The following LRP1B variants were observed in gnomAD, a reference collection of about 807,000 sequenced individuals.
LRP1B encodes LDL receptor related protein 1B, also known as low-density lipoprotein receptor-related protein 1B.
A neutral mutation model predicts 556.6 loss-of-function variants in LRP1B; 217 were observed. The observed-to-expected ratio is 0.39, with a 90% confidence interval of 0.35 to 0.44. The LOEUF is 0.44. Among genes scored for constraint, LRP1B ranks in the 20% least tolerant of loss-of-function variants. The pLI, the probability that LRP1B is intolerant of heterozygous loss-of-function variation, is 1.00. For synonymous variants in LRP1B, 2,047 were observed against 1,865.8 expected (o/e 1.10, Z -2.50); for missense variants, 5,053 against 5,620.8 (o/e 0.90, Z 3.23).
At chr2:140,829,694 C>G (rs1024150369) in intron 31 of LRP1B, among the ~76,000 whole-genome samples, 2 of 151,716 alleles carry the variant, frequency 1.3e-5, no homozygotes, top group Non-Finnish European at 2.9e-5. Flanking sequence ...AATGAACATC[C>G]CAATGAGGCA....
intron 2 of LRP1B, among the ~76,000 whole-genome samples, chr2:141,648,081 CAT>C (rs1689646158): frequency 6.6e-6 from 1 of 151,772 alleles, no homozygotes; most frequent in Non-Finnish European, 1.5e-5. Flanking sequence ...TGAGACGAAT[CAT>C]GTGATTCAGG....
chr2:141,703,051 A>G (rs999633667), intron 2 of LRP1B, among the ~76,000 whole-genome samples: 2 of 151,956 alleles, frequency 1.3e-5, no homozygotes. Flanking sequence ...ATAATAGGAT[A>G]AACAGAACAT....
chr2:141,277,197 T>C (rs1300787342), intron 3 of LRP1B, among the ~76,000 whole-genome samples: 1 of 152,196 alleles, frequency 6.6e-6, no homozygotes, highest in African/African-American at 2.4e-5. Flanking sequence ...TGTTTCAAGC[T>C]ATTTGAGAAA....
intron 7 of LRP1B, among the ~76,000 whole-genome samples, chr2:141,156,355 G>C (rs950668222): frequency 2.6e-5 from 4 of 152,202 alleles, no homozygotes; most frequent in African/African-American, 7.2e-5. Flanking sequence ...CTGGCCAGGC[G>C]CATTAGCTCT....
At chr2:141,885,636 T>C (rs1280332521) in intron 1 of LRP1B, among the ~76,000 whole-genome samples, 1 of 152,186 alleles carries the variant, frequency 6.6e-6, no homozygotes, top group Admixed American at 6.5e-5. Context: ...CAAGCATGAT[T>C]ACAGTCAAGT....
chr2:140,313,647 T>G (rs184086214), intron 83 of LRP1B, among the ~76,000 whole-genome samples: 127 of 152,040 alleles, frequency 8.4e-4, no homozygotes, highest in Middle Eastern at 3.4e-3. Flanking sequence ...AAACAATTAA[T>G]TTTTTATGAG....
chr2:141,489,907 T>C (rs529969684), intron 2 of LRP1B, among the ~76,000 whole-genome samples: 1 of 152,284 alleles, frequency 6.6e-6, no homozygotes, highest in East Asian at 1.9e-4. Context: ...ATACTAATAG[T>C]AACTCACTCA....
In LRP1B at chr2:141,864,296, A is replaced by T. The variant is rs1395457445; in HGVS notation, c.83-53895T>A. Reference sequence around the variant, plus strand: ...AATAAATACAAAAGTTCATGCAACAATGGAAACTACTTTTAATTTCCTTGG... The same window carrying T: ...AATAAATACAAAAGTTCATGCAACATTGGAAACTACTTTTAATTTCCTTGG... On this transcript the variant is annotated intron_variant, in intron 1 of 90. Coordinates refer to ENST00000389484, the MANE Select transcript of LRP1B (RefSeq NM_018557.3). 3.9e-5 allele frequency among the ~76,000 whole-genome samples: 6 copies of T among 152,352 alleles called. No individual in the cohort carries two copies. The East Asian group carries it at 1.2e-3, about 29-fold the overall frequency.
At chr2:141,164,640 T>C (rs866163510) in intron 7 of LRP1B, among the ~76,000 whole-genome samples, 2 of 152,234 alleles carry the variant, frequency 1.3e-5, no homozygotes, top group African/African-American at 2.4e-5. Context: ...TTTTTCTCTG[T>C]AGTCTTTATG....
intron 3 of LRP1B, among the ~76,000 whole-genome samples, chr2:141,403,822 C>T (rs545952487): frequency 6.6e-6 from 1 of 152,184 alleles, no homozygotes; most frequent in African/African-American, 2.4e-5. Context: ...TGTATTATCT[C>T]ACATGTATGT....
At chr2:141,131,816 T>C (rs1167256432) in intron 7 of LRP1B, among the ~76,000 whole-genome samples, 1 of 151,944 alleles carries the variant, frequency 6.6e-6, no homozygotes, top group Non-Finnish European at 1.5e-5. Flanking sequence ...AATTCTCTCA[T>C]ACTGTTGTCC....
chr2:141,430,390 AAAAAT>A, intron 3 of LRP1B, among the ~76,000 whole-genome samples: 1 of 152,322 alleles, frequency 6.6e-6, no homozygotes, highest in South Asian at 2.1e-4. Context: ...AAGCAACAAT[AAAAAT>A]AAAATGTAAT....
chr2:142,111,664 G>A (rs1706992799), intron 1 of LRP1B, among the ~76,000 whole-genome samples: 1 of 152,008 alleles, frequency 6.6e-6, no homozygotes, highest in Non-Finnish European at 1.5e-5. Flanking sequence ...CAAACAAACA[G>A]GTAAATTCCA....
chr2:140,704,064 G>A lies in LRP1B; in HGVS notation c.6024-1511C>T, dbSNP rs1308091141. Among the ~76,000 whole-genome samples the A allele has an allele frequency of 8.5e-5, 13 of 152,124 alleles. No individual in the cohort carries two copies. In the South Asian group the frequency reaches 2.7e-3, roughly 31 times the overall value. The stretch of plus-strand genomic sequence containing the variant: ...ATGGTAGCTCTGTTTTAAGTTCCTT[G>A]TAAAATCTCCAAACTGCTTTCCACA... On this transcript the variant is annotated intron_variant, in intron 37 of 90. Coordinates refer to ENST00000389484, the MANE Select transcript of LRP1B (RefSeq NM_018557.3).
chr2:142,068,517 G>A (rs576313832), intron 1 of LRP1B, among the ~76,000 whole-genome samples: 16 of 151,608 alleles, frequency 1.1e-4, no homozygotes, highest in South Asian at 6.2e-4. Context: ...GATAGGCTGC[G>A]TAGGGGTCAG....
intron 37 of LRP1B, among the ~76,000 whole-genome samples, chr2:140,714,737 T>C (rs1043797778): frequency 1.7e-4 from 26 of 152,110 alleles, no homozygotes; most frequent in African/African-American, 5.8e-4. Context: ...AATTTTCTCC[T>C]TTAAGGCTAT....
chr2:141,079,452 G>A (rs1385959151), intron 7 of LRP1B, among the ~76,000 whole-genome samples: 3 of 152,122 alleles, frequency 2.0e-5, no homozygotes, highest in Non-Finnish European at 4.4e-5. Context: ...ATGTAAATAA[G>A]GATAATAGCA....
intron 6 of LRP1B, among the ~76,000 whole-genome samples, chr2:141,220,396 C>T (rs1335657830): frequency 6.6e-6 from 1 of 151,878 alleles, no homozygotes. Context: ...AAGGAACAAA[C>T]AAAACATGAG....
intron 3 of LRP1B, among the ~76,000 whole-genome samples, chr2:141,348,884 C>A (rs576414543): frequency 2.0e-5 from 3 of 151,932 alleles, no homozygotes; most frequent in African/African-American, 4.8e-5. Context: ...ATAAGTCTCA[C>A]GAGAACTGAT....
Sources: gnomAD v4.1 joint callset for allele counts (sites outside exome capture counted in the v4.1 genomes callset) on GRCh38, gnomAD v4.1.1 for gene constraint, MANE v1.5 for transcripts, NCBI Gene and HGNC (gene_info 2026-07-23, HGNC 2026-07-21) for gene names.